GPBP1: variants seen among roughly 807,000 people sequenced by gnomAD.
GPBP1 encodes the protein vasculin.
A neutral mutation model predicts 56.5 loss-of-function variants in GPBP1; 13 were observed. The observed-to-expected ratio is 0.23, with a 90% CI of 0.15 to 0.37. GPBP1 has a LOEUF of 0.37. Ranked by LOEUF, GPBP1 falls within the 10% of genes least tolerant of loss-of-function variation. The pLI, the probability that GPBP1 is intolerant of heterozygous loss-of-function variation, is 1.00. For missense variants in GPBP1, 477 were observed against 572.3 expected (o/e 0.83, Z 1.70); for synonymous variants, 204 against 188.9 (o/e 1.08, Z -0.66).
intron 2 of GPBP1, among the ~76,000 whole-genome samples, chr5:57,194,005 C>T (rs1459993938): frequency 6.6e-6 from 1 of 152,140 alleles, no homozygotes; most frequent in Non-Finnish European, 1.5e-5. Flanking sequence ...TATATAAAAC[C>T]ACATTCTTTT....
chr5:57,177,014 A>G (rs1266366731), intron 2 of GPBP1, among the ~76,000 whole-genome samples: 1 of 152,204 alleles, frequency 6.6e-6, no homozygotes, highest in African/African-American at 2.4e-5. Context: ...ATTTCAAATT[A>G]TTTCTTTACT....
At chr5:57,186,307 AC>A (rs1490124327) in intron 2 of GPBP1, among the ~76,000 whole-genome samples, 16 of 151,272 alleles carry the variant, frequency 1.1e-4, no homozygotes, top group Non-Finnish European at 2.4e-4. Context: ...GTTTGCTTGA[AC>A]CCAGGAGTTC....
Position 57,187,751 on chromosome 5 carries a change from A to G in GPBP1, c.-58+11351A>G, listed in dbSNP as rs532406593. Among the ~76,000 whole-genome samples the G allele has an allele frequency of 5.3e-5, 8 of 152,216 alleles. No homozygotes were observed. In the South Asian group the frequency reaches 1.0e-3, roughly 20 times the overall value. On this transcript the variant is annotated intron_variant, in intron 2 of 11. Coordinates refer to ENST00000506184, the MANE Select transcript of GPBP1 (RefSeq NM_022913.4). ...AAATGCTTTGAAATTGTAAAATAAT[A>G]CAGACAGTGGTGTTGTGGCTGGTCA...
At chr5:57,252,181 G>A (rs1741426976) in intron 10 of GPBP1, among the ~76,000 whole-genome samples, 1 of 125,700 alleles carries the variant, frequency 8.0e-6, no homozygotes, top group Admixed American at 1.2e-4. Flanking sequence ...TTTCTGTGTT[G>A]CCCAGACTGG....
At chr5:57,215,514 C>G (rs573188076) in intron 3 of GPBP1, among the ~76,000 whole-genome samples, 30 of 152,322 alleles carry the variant, frequency 2.0e-4, no homozygotes, top group African/African-American at 7.2e-4. Context: ...ATGCTCTGAT[C>G]CAATTTAGTT....
chr5:57,211,476 C>T (rs992825445), intron 2 of GPBP1, among the ~76,000 whole-genome samples: 1 of 151,784 alleles, frequency 6.6e-6, no homozygotes, highest in Non-Finnish European at 1.5e-5. Flanking sequence ...GTGTGAGCCT[C>T]CACACCAGGC....
chr5:57,194,023 A>C (rs1175290922), intron 2 of GPBP1, among the ~76,000 whole-genome samples: 2 of 152,310 alleles, frequency 1.3e-5, no homozygotes, highest in East Asian at 3.9e-4. Flanking sequence ...TTTGCTTTCT[A>C]ATACAAGTAG....
rs1753778968 is a variant in GPBP1 at position 57,176,052 on chromosome 5, G to T, written c.-406G>T. ...TGTCTCTGTATATGCTGATGTTTAGGAATGCTCTTCAGATGTGAAATTTTC... is the reference window on the plus strand; with the variant it reads ...TGTCTCTGTATATGCTGATGTTTAGTAATGCTCTTCAGATGTGAAATTTTC... On this transcript the variant is annotated 5_prime_UTR_variant, in exon 2 of 12. Transcript: ENST00000506184. The T allele has an allele frequency of 2.5e-6, 1 of 398,482 alleles. No homozygotes were observed. The highest frequency in any genetic ancestry group is 4.4e-6 in the Non-Finnish European group (1 of 226,014). The allele number at this position is 398,482 out of a possible 1,614,324, so 24.7% of individuals were successfully genotyped here.
rs540232715 is a variant in GPBP1 at position 57,242,639 on chromosome 5, C to A, written c.479-3661C>A. On this transcript the variant is annotated intron_variant, in intron 6 of 11. Transcript: ENST00000506184. ...TTTAAATTTTTCATGGAGATGATGT[C>A]TCATTATGTTGCCCAGCCTGGTCTT... 3.1e-3 allele frequency among the ~76,000 whole-genome samples: 477 copies of A among 152,168 alleles called. 4 individuals carry two copies. The highest frequency in any genetic ancestry group is 0.011 in the African/African-American group (456 of 41,504).
At chr5:57,249,380 T>C in intron 8 of GPBP1, 29 bp from the exon 9 acceptor site, 2 of 1,533,724 alleles carry the variant, frequency 1.3e-6, no homozygotes, top group Non-Finnish European at 1.8e-6. Flanking sequence ...TGGCTACATA[T>C]TTATCAGTAT....
intron 1 of GPBP1, among the ~76,000 whole-genome samples, 185 bp from the exon 2 acceptor site, chr5:57,175,263 C>G (rs1055632553): frequency 6.6e-6 from 1 of 152,176 alleles, no homozygotes; most frequent in Non-Finnish European, 1.5e-5. Context: ...CCCTCTACTC[C>G]GATGTCTTGT....
chr5:57,185,634 T>C (rs1754251995), intron 2 of GPBP1, among the ~76,000 whole-genome samples: 1 of 152,108 alleles, frequency 6.6e-6, no homozygotes. Context: ...TTAATTTGCA[T>C]TTCCCTAATA....
intron 6 of GPBP1, among the ~76,000 whole-genome samples, chr5:57,236,655 G>C (rs1267832662): frequency 6.6e-6 from 1 of 151,860 alleles, no homozygotes; most frequent in Non-Finnish European, 1.5e-5. Flanking sequence ...TTTTACAGAA[G>C]ATTAAACTGA....
chr5:57,191,022 C>A (rs1462966775), intron 2 of GPBP1, among the ~76,000 whole-genome samples: 1 of 151,866 alleles, frequency 6.6e-6, no homozygotes, highest in African/African-American at 2.4e-5. Flanking sequence ...GTGATCTGCC[C>A]GCCTTGGCCT....
intron 2 of GPBP1, among the ~76,000 whole-genome samples, chr5:57,199,643 C>A (rs1203476841): frequency 6.6e-6 from 1 of 152,062 alleles, no homozygotes; most frequent in Non-Finnish European, 1.5e-5. Flanking sequence ...GTGCTGCACC[C>A]ATTAACTCGT....
In GPBP1 at chr5:57,231,306, T is replaced by G. The variant is rs1182119390; in HGVS notation, c.396T>G (p.Phe132Leu). The G allele has an allele frequency of 6.2e-7, 1 of 1,612,292 alleles. No homozygotes were observed. The highest frequency in any genetic ancestry group is 8.5e-7 in the Non-Finnish European group (1 of 1,179,224). Reference protein sequence around the residue: ...RKEDKRERKQFEAEDFPSLNP... With the variant: ...RKEDKRERKQLEAEDFPSLNP... ...AAGACAAGAGAGAACGCAAACAGTT[T>G]GAAGCTGAGGATTTTGTAAGTTTTT... The change falls in exon 5 of 12, where the codon TTT becomes TTG. Residue 132 changes from phenylalanine (F) to leucine (L), a missense_variant. Physicochemically the swap from Phe to Leu is conservative, Grantham distance 22. Coordinates refer to ENST00000506184, the MANE Select transcript of GPBP1 (RefSeq NM_022913.4).
chr5:57,219,470 T>TA (rs1307629756), intron 3 of GPBP1, among the ~76,000 whole-genome samples: 10 of 146,218 alleles, frequency 6.8e-5, no homozygotes, highest in Non-Finnish European at 1.1e-4. Flanking sequence ...AATTAAAATT[T>TA]AAAAAAAAAG....
intron 1 of GPBP1, among the ~76,000 whole-genome samples, chr5:57,174,524 C>T (rs1231582311): frequency 6.6e-6 from 1 of 152,184 alleles, no homozygotes; most frequent in Non-Finnish European, 1.5e-5. Context: ...GCTCTCAGTG[C>T]TCGGCCTTCC....
In GPBP1 at chr5:57,223,881, C is replaced by T. The variant is rs1005690081; in HGVS notation, c.64-6965C>T. Among the ~76,000 whole-genome samples the T allele has an allele frequency of 3.3e-5, 5 of 151,236 alleles. No individual in the cohort carries two copies. In the East Asian group the frequency reaches 5.8e-4, roughly 18 times the overall value. On this transcript the variant is annotated intron_variant, in intron 3 of 11. Coordinates refer to ENST00000506184, the MANE Select transcript of GPBP1 (RefSeq NM_022913.4). ...TGGAGTCTCGCTCTTTCCCCCAGGC[C>T]GGAGTGCAGCGATGCTATCTCGGCT...
Sources: allele counts gnomAD v4.1 joint callset (sites outside exome capture counted in the v4.1 genomes callset), GRCh38; gene constraint gnomAD v4.1.1; transcripts MANE v1.5; gene names NCBI Gene and HGNC (gene_info 2026-07-23, HGNC 2026-07-21).